CDKAL1: variants seen among roughly 807,000 people sequenced by gnomAD.
The protein encoded by CDKAL1 is CDKAL1 threonylcarbamoyladenosine tRNA methylthiotransferase, also known as threonylcarbamoyladenosine tRNA methylthiotransferase.
A neutral mutation model predicts 68.2 loss-of-function variants in CDKAL1; 32 were observed. The observed-to-expected ratio is 0.47, with a 90% confidence interval of 0.35 to 0.63. The LOEUF is 0.63. CDKAL1 is among the 30% of genes least tolerant of loss of function. The pLI, the probability that CDKAL1 is intolerant of heterozygous loss-of-function variation, is 0.00. For synonymous variants in CDKAL1, 234 were observed against 244.3 expected (o/e 0.96, Z 0.39); for missense variants, 606 against 696.7 (o/e 0.87, Z 1.47).
intron 4 of CDKAL1, among the ~76,000 whole-genome samples, chr6:20,599,038 A>C (rs1378633242): frequency 2.0e-5 from 3 of 151,990 alleles, no homozygotes; most frequent in Non-Finnish European, 4.4e-5. Flanking sequence ...TTGATTTTTA[A>C]AGTGGGTCAT....
chr6:20,778,781 G>A (rs935073449), intron 7 of CDKAL1, among the ~76,000 whole-genome samples: 1 of 152,158 alleles, frequency 6.6e-6, no homozygotes, highest in African/African-American at 2.4e-5. Context: ...CAGTCAGGAG[G>A]AGCTCACTTT....
intron 13 of CDKAL1, among the ~76,000 whole-genome samples, chr6:21,164,654 C>A (rs1777075424): frequency 6.6e-6 from 1 of 152,180 alleles, no homozygotes; most frequent in African/African-American, 2.4e-5. Context: ...TAAACACAGA[C>A]TCAAAAATTC....
intron 9 of CDKAL1, among the ~76,000 whole-genome samples, chr6:20,887,260 C>T (rs1403404767): frequency 1.3e-5 from 2 of 152,192 alleles, no homozygotes; most frequent in African/African-American, 4.8e-5. Flanking sequence ...GGAAAAATGT[C>T]TGGCAGTTTC....
chr6:20,577,171 G>T (rs1296969634), intron 4 of CDKAL1, among the ~76,000 whole-genome samples: 2 of 152,126 alleles, frequency 1.3e-5, no homozygotes, highest in Non-Finnish European at 2.9e-5. Context: ...AGTGGGGAAG[G>T]CTTTCCGAGT....
At chr6:20,860,170 C>T (rs553220297) in intron 9 of CDKAL1, among the ~76,000 whole-genome samples, 21 of 152,194 alleles carry the variant, frequency 1.4e-4, no homozygotes, top group African/African-American at 4.1e-4. Context: ...CTTCGCCTCC[C>T]GGGTTCAAGC....
intron 9 of CDKAL1, among the ~76,000 whole-genome samples, chr6:20,938,720 G>A (rs549379484): frequency 4.6e-4 from 70 of 152,078 alleles, no homozygotes; most frequent in African/African-American, 8.9e-4. Context: ...AAATTAGTGC[G>A]TAAGTAGGAA....
intron 11 of CDKAL1, among the ~76,000 whole-genome samples, chr6:21,037,239 C>T (rs1307150456): frequency 6.6e-6 from 1 of 152,038 alleles, no homozygotes; most frequent in East Asian, 1.9e-4. Flanking sequence ...TTGTTTTTAG[C>T]ACAGAGTGAA....
intron 4 of CDKAL1, among the ~76,000 whole-genome samples, chr6:20,625,934 A>T (rs994874033): frequency 2.6e-5 from 4 of 152,104 alleles, no homozygotes; most frequent in Non-Finnish European, 4.4e-5. Context: ...TGTCTGCAAG[A>T]TCTGCCTTTC....
intron 6 of CDKAL1, 111 bp from the exon 7 acceptor site, chr6:20,758,484 C>A (rs1774326156): frequency 1.3e-6 from 1 of 753,318 alleles, no homozygotes; most frequent in Non-Finnish European, 2.2e-6. Context: ...TTAAAGGAAA[C>A]CTGCATTGAT....
rs137916597 is a variant in CDKAL1 at position 20,716,972 on chromosome 6, A to T, written c.372-22547A>T. On this transcript the variant is annotated intron_variant, in intron 5 of 15. Transcript: ENST00000274695. Reference sequence around the variant, plus strand: ...GGAAGTCGGGGGAAGTGTTTTAGTGAAGCATGTTTCCAGAAGGAGGAGTGA... The same window carrying T: ...GGAAGTCGGGGGAAGTGTTTTAGTGTAGCATGTTTCCAGAAGGAGGAGTGA... Among the ~76,000 whole-genome samples, 631 of 152,084 alleles carry T rather than the reference A, an allele frequency of 4.1e-3. 3 individuals are homozygous for T. The highest frequency in any genetic ancestry group is 0.014 in the African/African-American group (589 of 41,514).
intron 9 of CDKAL1, among the ~76,000 whole-genome samples, chr6:20,917,382 A>T (rs547161626): frequency 6.6e-6 from 1 of 152,248 alleles, no homozygotes; most frequent in African/African-American, 2.4e-5. Context: ...TAGAAAGGAG[A>T]TGGTAGAAGC....
rs55750789 is a variant in CDKAL1, at chr6:20,561,446, G to GAAAAAAAAAAAAAAAAAAAAAAAAAAA, written c.286+12766_286+12767insAAAAAAAAAAAAAAAAAAAAAAAAAAA. On this transcript the variant is annotated intron_variant, in intron 4 of 15. Coordinates refer to ENST00000274695, the MANE Select transcript of CDKAL1 (RefSeq NM_017774.3). Reference sequence around the variant, plus strand: ...GACAGAGCAAGACCATCTCAAAAAAGAAAAAAAAAAAAAAAAAAAAAAAAA... The same window carrying GAAAAAAAAAAAAAAAAAAAAAAAAAAA: ...GACAGAGCAAGACCATCTCAAAAAAGAAAAAAAAAAAAAAAAAAAAAAAAAAAAAAAAAAAAAAAAAAAAAAAAAAAA... Among the ~76,000 whole-genome samples, 8 of 79,654 alleles carry GAAAAAAAAAAAAAAAAAAAAAAAAAAA rather than the reference G, an allele frequency of 1.0e-4. 1 individual carries two copies. The highest frequency in any genetic ancestry group is 2.4e-4 in the African/African-American group (5 of 20,416). The allele number at this position is 79,654 out of a possible 152,430, so 52.3% of individuals were successfully genotyped here.
chr6:20,985,711 G>C (rs972919783), intron 10 of CDKAL1, among the ~76,000 whole-genome samples: 2 of 152,034 alleles, frequency 1.3e-5, no homozygotes, highest in Non-Finnish European at 2.9e-5. Context: ...CTTGAACTCA[G>C]GAGTTCACTT....
intron 4 of CDKAL1, among the ~76,000 whole-genome samples, chr6:20,598,844 CT>C (rs1346761866): frequency 1.3e-5 from 2 of 151,984 alleles, no homozygotes; most frequent in East Asian, 3.9e-4. Context: ...AACAAAAAAA[CT>C]TACTGAGTTA....
intron 12 of CDKAL1, among the ~76,000 whole-genome samples, chr6:21,067,734 C>T (rs777405657): frequency 7.2e-5 from 11 of 151,868 alleles, no homozygotes; most frequent in Admixed American, 2.0e-4. Context: ...GGAGTGTAAT[C>T]GCTGAGTCAT....
chr6:20,633,134 T>C (rs576500938), intron 4 of CDKAL1, among the ~76,000 whole-genome samples: 11 of 152,332 alleles, frequency 7.2e-5, no homozygotes, highest in Middle Eastern at 3.4e-3. Context: ...ATAGAGTCAA[T>C]TTAAAACATT....
chr6:20,589,346 T>A (rs1014794626), intron 4 of CDKAL1, among the ~76,000 whole-genome samples: 14 of 152,232 alleles, frequency 9.2e-5, no homozygotes, highest in Non-Finnish European at 2.1e-4. Context: ...TATTTTGTAT[T>A]TGACATTACA....
chr6:20,598,451 G>C (rs1278268362), intron 4 of CDKAL1, among the ~76,000 whole-genome samples: 12 of 150,094 alleles, frequency 8.0e-5, no homozygotes, highest in African/African-American at 2.5e-4. Context: ...TTTTGGAAGA[G>C]AGAATACACT....
chr6:21,051,431 T>C lies in CDKAL1; in HGVS notation c.1056-13617T>C, dbSNP rs141997129. Among the ~76,000 whole-genome samples the C allele has an allele frequency of 6.6e-5, 10 of 152,324 alleles. No individual in the cohort carries two copies. In the East Asian group the frequency reaches 1.9e-3, roughly 29 times the overall value. ...TGAACTTATGATCAGCCAGTGCTTA[T>C]GGTACATCAGTGCTGTGAGCACATC... On this transcript the variant is annotated intron_variant, in intron 11 of 15. Coordinates refer to ENST00000274695, the MANE Select transcript of CDKAL1 (RefSeq NM_017774.3).
Sources: allele counts gnomAD v4.1 joint callset (sites outside exome capture counted in the v4.1 genomes callset), GRCh38; gene constraint gnomAD v4.1.1; transcripts MANE v1.5; gene names NCBI Gene and HGNC (gene_info 2026-07-23, HGNC 2026-07-21).